The following SULF2 variants were observed in gnomAD, a reference collection of about 807,000 sequenced individuals.
SULF2 encodes extracellular sulfatase Sulf-2.
A neutral mutation model predicts 107.7 loss-of-function variants in SULF2; 52 were observed. The observed-to-expected ratio is 0.48, with a 90% CI of 0.39 to 0.61. The LOEUF is 0.61. Among genes scored for constraint, SULF2 ranks in the 20% least tolerant of loss-of-function variants. The pLI, the probability that SULF2 is intolerant of heterozygous loss-of-function variation, is 0.00. For synonymous variants in SULF2, 460 were observed against 464.3 expected (o/e 0.99, Z 0.12); for missense variants, 993 against 1,177.3 (o/e 0.84, Z 2.29).
chr20:47,669,421 G>A (rs867974166), intron 11 of SULF2, among the ~76,000 whole-genome samples: 4 of 152,150 alleles, frequency 2.6e-5, no homozygotes, highest in African/African-American at 4.8e-5. Context: ...ATGTTTTGCC[G>A]CATCCATAGC....
intron 1 of SULF2, 30 bp from the exon 2 acceptor site, chr20:47,757,493 T>C (rs746841937): frequency 2.3e-5 from 26 of 1,115,628 alleles, no homozygotes; most frequent in Non-Finnish European, 3.2e-5. Flanking sequence ...CAGGTCAATA[T>C]TTATGTCAAG....
chr20:47,682,427 GC>G (rs1424160406), intron 7 of SULF2, among the ~76,000 whole-genome samples: 3 of 152,214 alleles, frequency 2.0e-5, no homozygotes, highest in African/African-American at 4.8e-5. Context: ...GGGAACAGTG[GC>G]CTGTCCGCTC....
chr20:47,758,934 C>T (rs914597307), intron 1 of SULF2, among the ~76,000 whole-genome samples: 9 of 152,278 alleles, frequency 5.9e-5, no homozygotes, highest in African/African-American at 9.6e-5. Context: ...GCAAGGTCTC[C>T]GGGTTCAGCA....
At chr20:47,709,362 T>C (rs1368694103) in intron 3 of SULF2, among the ~76,000 whole-genome samples, 2 of 152,182 alleles carry the variant, frequency 1.3e-5, no homozygotes, top group African/African-American at 2.4e-5. Flanking sequence ...CGACTGCCCC[T>C]GGGCAGCAGG....
At chr20:47,719,007 T>C (rs899110226) in intron 3 of SULF2, among the ~76,000 whole-genome samples, 3 of 152,256 alleles carry the variant, frequency 2.0e-5, no homozygotes, top group African/African-American at 7.2e-5. Flanking sequence ...TATGTATTTG[T>C]TTATTTTCAT....
chr20:47,672,621 C>T, intron 10 of SULF2: 1 of 894,718 alleles, frequency 1.1e-6, no homozygotes. Flanking sequence ...AGCCACCACT[C>T]TCACGGTTAC....
chr20:47,766,277 G>A (rs1395687994), intron 1 of SULF2, among the ~76,000 whole-genome samples: 1 of 152,208 alleles, frequency 6.6e-6, no homozygotes, highest in African/African-American at 2.4e-5. Flanking sequence ...AAGGACAGAA[G>A]CTCCTGTAAC....
At position 47,658,349 on chromosome 20, in the gene SULF2, C is replaced by A; in HGVS notation, c.*13G>T. ...ATGCCTCTATGTTTTTGGAGGTCCA[C>A]CTCTGTTGTTTCTTAACCTTCCCAG... On this transcript the variant is annotated 3_prime_UTR_variant, in exon 21 of 21. Transcript: ENST00000688720. The A allele has an allele frequency of 6.2e-7, 1 of 1,614,084 alleles. No individual in the cohort carries two copies. Among genetic ancestry groups the A allele is most frequent in the South Asian group, 1.1e-5 (1 of 91,076 alleles).
intron 15 of SULF2, among the ~76,000 whole-genome samples, chr20:47,663,884 CCCTTTCCCCT>C (rs2087173028): frequency 6.6e-6 from 1 of 152,206 alleles, no homozygotes; most frequent in Admixed American, 6.5e-5. Context: ...CTGTTGACAC[CCCTTTCCCCT>C]CCTTCCTGTG....
At chr20:47,673,339 C>T (rs188259212) in intron 10 of SULF2, among the ~76,000 whole-genome samples, 30 of 152,294 alleles carry the variant, frequency 2.0e-4, no homozygotes, top group Admixed American at 5.9e-4. Flanking sequence ...TATTAACTTG[C>T]TTACTACACC....
intron 3 of SULF2, among the ~76,000 whole-genome samples, chr20:47,725,264 T>C (rs1438559766): frequency 6.6e-6 from 1 of 152,246 alleles, no homozygotes; most frequent in Non-Finnish European, 1.5e-5. Context: ...CATTTTCTTA[T>C]TCCGTACATT....
rs535022341 is a variant in SULF2 at position 47,743,776 on chromosome 20, C to T, written c.176-6834G>A. The stretch of plus-strand genomic sequence containing the variant: ...CGCCCCAACTACAACTCCTACTGTG[C>T]GCTCTCTCTCTAAGCTTCCTCTGCT... On this transcript the variant is annotated intron_variant, in intron 2 of 20. Coordinates refer to ENST00000688720, the MANE Select transcript of SULF2 (RefSeq NM_001387048.1). Among the ~76,000 whole-genome samples, 71 of 152,296 alleles carry T rather than the reference C, an allele frequency of 4.7e-4. 1 individual carries two copies. Among genetic ancestry groups the T allele is most frequent in the South Asian group, 2.1e-4 (1 of 4,826 alleles).
At chr20:47,726,068 G>A (rs1162215381) in intron 3 of SULF2, among the ~76,000 whole-genome samples, 1 of 152,124 alleles carries the variant, frequency 6.6e-6, no homozygotes, top group Non-Finnish European at 1.5e-5. Context: ...TGAGGAGGAG[G>A]AGATTGGATT....
In SULF2 at chr20:47,742,071, G is replaced by A. The variant is rs576500645; in HGVS notation, c.176-5129C>T. 5.3e-5 allele frequency among the ~76,000 whole-genome samples: 8 copies of A among 152,350 alleles called. No homozygotes were observed. In the South Asian group the frequency reaches 1.2e-3, roughly 24 times the overall value. On this transcript the variant is annotated intron_variant, in intron 2 of 20. Transcript: ENST00000688720. ...CAATCCACGAGTAAAGGACAACAGTGCCCCGGAATGACAGCAGCATCTGTG... is the reference window on the plus strand; with the variant it reads ...CAATCCACGAGTAAAGGACAACAGTACCCCGGAATGACAGCAGCATCTGTG...
chr20:47,780,710 C>T (rs2090816547), intron 1 of SULF2, among the ~76,000 whole-genome samples: 1 of 152,180 alleles, frequency 6.6e-6, no homozygotes, highest in Admixed American at 6.5e-5. Context: ...AGCACCATCA[C>T]ACCTGGCTAA....
intron 3 of SULF2, among the ~76,000 whole-genome samples, chr20:47,723,465 C>CAGACAGGT (rs1298724486): frequency 2.6e-5 from 4 of 152,184 alleles, no homozygotes; most frequent in African/African-American, 9.7e-5. Flanking sequence ...CCCTGGGCTG[C>CAGACAGGT]AGACAGGTAG....
chr20:47,721,962 G>A (rs961624663), intron 3 of SULF2, among the ~76,000 whole-genome samples: 6 of 152,284 alleles, frequency 3.9e-5, no homozygotes, highest in Non-Finnish European at 8.8e-5. Flanking sequence ...TTTTGCTGGA[G>A]CCCTTGGAAA....
intron 1 of SULF2, among the ~76,000 whole-genome samples, chr20:47,783,794 C>T (rs932955867): frequency 6.6e-6 from 1 of 152,126 alleles, no homozygotes; most frequent in African/African-American, 2.4e-5. Context: ...ATCTGCCAAG[C>T]CCACCACCTT....
chr20:47,681,945 A>G (rs1018433703), intron 7 of SULF2, among the ~76,000 whole-genome samples: 3 of 152,182 alleles, frequency 2.0e-5, no homozygotes, highest in African/African-American at 7.2e-5. Flanking sequence ...TGGGCCTCCC[A>G]AAGTGCTGGG....
Sources: allele counts gnomAD v4.1 joint callset (sites outside exome capture counted in the v4.1 genomes callset), GRCh38; gene constraint gnomAD v4.1.1; transcripts MANE v1.5; gene names NCBI Gene and HGNC (gene_info 2026-07-23, HGNC 2026-07-21).